The following CCDC171 variants were observed in gnomAD, a reference collection of about 807,000 sequenced individuals.
The protein encoded by CCDC171 is coiled-coil domain-containing protein 171.
A neutral mutation model predicts 168.2 loss-of-function variants in CCDC171; 177 were observed. The ratio of observed to expected loss-of-function variants is 1.05; its 90% confidence interval spans 0.93 to 1.19. The LOEUF (loss-of-function observed/expected upper bound fraction) is 1.19. Ranked by LOEUF, CCDC171 falls within the 50% of genes most tolerant of loss-of-function variation. The probability of loss-of-function intolerance (pLI) is 0.00; values close to 1 mark genes in which losing one functional copy is unlikely to be tolerated. For synonymous variants in CCDC171, 687 were observed against 540.8 expected (o/e 1.27, Z -3.75); for missense variants, 1,991 against 1,539.0 (o/e 1.29, Z -4.91).
At chr9:15,770,142 T>C (rs1207851810) in intron 18 of CCDC171, among the ~76,000 whole-genome samples, 1 of 152,230 alleles carries the variant, frequency 6.6e-6, no homozygotes, top group Non-Finnish European at 1.5e-5. Context: ...TAGCAGTAAA[T>C]ACTATATTTG....
Position 15,920,409 on chromosome 9 carries a change from C to T in CCDC171, c.3740C>T (p.Ala1247Val), listed in dbSNP as rs1300622057. ...CACACAGCTTGTTTACGTGAAAATG[C>T]AAGTTTACAATCAGTAAGTCCTTGT... ...ELHTACLRENASLQSIGSRDH... is the reference protein window; with the variant it reads ...ELHTACLRENVSLQSIGSRDH... The change falls in exon 25 of 26, where the codon GCA (alanine) becomes GTA (valine). Residue 1247 changes from alanine (A) to valine (V), a missense_variant. Coordinates refer to ENST00000380701, the MANE Select transcript of CCDC171 (RefSeq NM_173550.4). 6 of 1,603,964 alleles carry T rather than the reference C, an allele frequency of 3.7e-6. 1 individual carries two copies. Among genetic ancestry groups the T allele is most frequent in the South Asian group, 3.3e-5 (3 of 89,784 alleles).
rs984811058 is a variant in CCDC171 at position 15,723,524 on chromosome 9, A to C, written c.1426-157A>C. The C allele has an allele frequency of 6.8e-6, 4 of 584,238 alleles. No homozygotes were observed. In the Admixed American group the frequency reaches 1.1e-4, roughly 16 times the overall value. 36.2% of individuals were successfully genotyped at this position (584,238 alleles called of 1,614,324 possible). ...ATATAGCATTTAACCAAAAGAAATA[A>C]TTTTTTAAAGACTCTTAATTACTAT... On this transcript the variant is annotated intron_variant, in intron 12 of 25. Coordinates refer to ENST00000380701, the MANE Select transcript of CCDC171 (RefSeq NM_173550.4).
intron 18 of CCDC171, among the ~76,000 whole-genome samples, chr9:15,755,010 A>T (rs369701779): frequency 6.6e-6 from 1 of 152,172 alleles, no homozygotes; most frequent in South Asian, 2.1e-4. Flanking sequence ...ATAAATTAGT[A>T]TATAAAGATC....
At chr9:15,825,331 G>A (rs552827129) in intron 21 of CCDC171, among the ~76,000 whole-genome samples, 1 of 152,208 alleles carries the variant, frequency 6.6e-6, no homozygotes, top group South Asian at 2.1e-4. Context: ...TGATAATGTA[G>A]GTAGAAGGGA....
At position 15,786,417 on chromosome 9, in the gene CCDC171, AC is replaced by A. The variant is rs2057958052; in HGVS notation, c.3267+1725del. The stretch of plus-strand genomic sequence containing the variant: ...TCAAATCATATCACCTGATATATCT[AC>A]CATCAACATTTTGATATATATATTC... On this transcript the variant is annotated intron_variant, in intron 21 of 25. Transcript: ENST00000380701. Among the ~76,000 whole-genome samples the A allele has an allele frequency of 2.6e-5, 4 of 152,334 alleles. No homozygotes were observed. The South Asian group carries it at 6.2e-4, about 24-fold the overall frequency.
At chr9:15,938,391 G>A (rs899498251) in intron 25 of CCDC171, among the ~76,000 whole-genome samples, 19 of 151,742 alleles carry the variant, frequency 1.3e-4, no homozygotes, top group African/African-American at 4.3e-4. Flanking sequence ...ATAGAGAAGA[G>A]CATTTAAGCT....
At chr9:15,649,045 C>T (rs1363977403) in intron 7 of CCDC171, among the ~76,000 whole-genome samples, 1 of 152,152 alleles carries the variant, frequency 6.6e-6, no homozygotes, top group Non-Finnish European at 1.5e-5. Flanking sequence ...GGTACCAAAA[C>T]AGAGATATAG....
At chr9:15,727,613 A>T (rs927556444) in intron 14 of CCDC171, among the ~76,000 whole-genome samples, 1 of 152,182 alleles carries the variant, frequency 6.6e-6, no homozygotes, top group East Asian at 1.9e-4. Flanking sequence ...CATCAGTAGC[A>T]GAGGTGGAGA....
At chr9:15,856,942 T>C (rs562730835) in intron 23 of CCDC171, among the ~76,000 whole-genome samples, 1 of 152,156 alleles carries the variant, frequency 6.6e-6, no homozygotes, top group East Asian at 1.9e-4. Flanking sequence ...GTTTTGATTT[T>C]TATTTCCTTG....
At chr9:15,884,456 T>C (rs1819122479) in intron 24 of CCDC171, among the ~76,000 whole-genome samples, 1 of 152,220 alleles carries the variant, frequency 6.6e-6, no homozygotes, top group African/African-American at 2.4e-5. Context: ...AATCAGATTA[T>C]ATGGAAATTG....
intron 21 of CCDC171, among the ~76,000 whole-genome samples, chr9:15,802,025 T>C (rs2058850903): frequency 6.6e-6 from 1 of 152,034 alleles, no homozygotes; most frequent in African/African-American, 2.4e-5. Context: ...TTTGCTAATA[T>C]TCTGTTGGGG....
At chr9:15,674,926 T>C (rs964406237) in intron 9 of CCDC171, among the ~76,000 whole-genome samples, 4 of 152,194 alleles carry the variant, frequency 2.6e-5, no homozygotes, top group Non-Finnish European at 5.9e-5. Flanking sequence ...GTTAACCTTC[T>C]GTCTCGTTGA....
chr9:15,829,742 A>G (rs949127867), intron 21 of CCDC171, among the ~76,000 whole-genome samples: 8 of 152,078 alleles, frequency 5.3e-5, no homozygotes, highest in African/African-American at 1.9e-4. Context: ...CAACATGGCA[A>G]ATCCCCATCT....
At chr9:15,675,194 T>TG in intron 9 of CCDC171, among the ~76,000 whole-genome samples, 1 of 144,522 alleles carries the variant, frequency 6.9e-6, no homozygotes, top group South Asian at 2.2e-4. Context: ...CCTGTTTTTT[T>TG]TTTTTTTTTT....
chr9:15,602,632 C>CTTTTTTTTTTTTT (rs1050799184), intron 6 of CCDC171, among the ~76,000 whole-genome samples: 4 of 31,028 alleles, frequency 1.3e-4, no homozygotes, highest in African/African-American at 1.9e-4. Flanking sequence ...TTTCTCATTT[C>CTTTTTTTTTTTTT]TTTTTTTTTT....
chr9:15,668,752 T>C (rs2048904554), intron 9 of CCDC171, among the ~76,000 whole-genome samples: 1 of 152,158 alleles, frequency 6.6e-6, no homozygotes, highest in Non-Finnish European at 1.5e-5. Context: ...TTTTCCATTT[T>C]CTGCCTGTAC....
At chr9:15,797,416 A>G (rs1564426048) in intron 21 of CCDC171, among the ~76,000 whole-genome samples, 1 of 152,014 alleles carries the variant, frequency 6.6e-6, no homozygotes, top group Non-Finnish European at 1.5e-5. Flanking sequence ...GGGTTTCTCC[A>G]TGTTGCCCAG....
chr9:16,063,934 G>T (rs1246719453), downstream of CCDC171, among the ~76,000 whole-genome samples: 3 of 152,162 alleles, frequency 2.0e-5, no homozygotes, highest in African/African-American at 2.4e-5. Context: ...TTTTCTGTCC[G>T]ACAATGCCCA....
Position 15,778,948 on chromosome 9 carries a change from T to C in CCDC171, c.2899-20T>C. ...AAATCTGTAGTTACTGTTTATAAAA[T>C]TGCTCTTGTTTAACAACAGAAAAGC... On this transcript the variant is annotated intron_variant, in intron 19 of 25. Transcript: ENST00000380701. The C allele has an allele frequency of 6.9e-7, 1 of 1,444,480 alleles. No homozygotes were observed. The highest frequency in any genetic ancestry group is 1.8e-4 in the Middle Eastern group (1 of 5,450). 89.5% of individuals were successfully genotyped at this position (1,444,480 alleles called of 1,614,324 possible).
Sources: allele counts gnomAD v4.1 joint callset (sites outside exome capture counted in the v4.1 genomes callset), GRCh38; gene constraint gnomAD v4.1.1; transcripts MANE v1.5; gene names NCBI Gene and HGNC (gene_info 2026-07-23, HGNC 2026-07-21).